Variants in MIGA1 observed in about 807,000 individuals in gnomAD.
MIGA1 encodes mitoguardin 1, also known as family with sequence similarity 73, member A.
MIGA1 carries 58 observed loss-of-function variants against 82.0 expected under a neutral mutation model. The observed-to-expected ratio is 0.71, with a 90% CI of 0.57 to 0.88. The LOEUF (loss-of-function observed/expected upper bound fraction) is 0.88, where lower values mean the gene tolerates loss of function less well. MIGA1 is among the 40% of genes least tolerant of loss of function. The pLI is 0.00. For synonymous variants in MIGA1, 249 were observed against 253.6 expected, an observed-to-expected ratio of 0.98 and a Z score of 0.17; for missense variants, 751 against 749.1, an observed-to-expected ratio of 1.00 and a Z score of -0.03.
chr1:77,808,553 C>T (rs531296142), intron 5 of MIGA1, among the ~76,000 whole-genome samples: 1 of 152,250 alleles, frequency 6.6e-6, no homozygotes, highest in Admixed American at 6.5e-5. Flanking sequence ...CTCAGTATTT[C>T]TTGACTTGAC....
chr1:77,803,456 C>A (rs1682967714), intron 4 of MIGA1, 50 bp downstream of exon 4: 4 of 846,540 alleles, frequency 4.7e-6, no homozygotes, highest in South Asian at 3.0e-5. Flanking sequence ...TATATGTCTT[C>A]TGTGATCTAT....
At chr1:77,782,913 G>A (rs1350405037) in intron 1 of MIGA1, 8 of 958,064 alleles carry the variant, frequency 8.4e-6, no homozygotes, top group Non-Finnish European at 9.9e-6. Context: ...CCTAAAAAGT[G>A]TTAAATTTTT....
At position 77,839,112 on chromosome 1, in the gene MIGA1, G is replaced by C. The variant is rs546754952; in HGVS notation, c.896-4195G>C. Among the ~76,000 whole-genome samples, 5 of 152,252 alleles carry C rather than the reference G, an allele frequency of 3.3e-5. No individual in the cohort carries two copies. In the East Asian group the frequency reaches 5.8e-4, roughly 18 times the overall value. On this transcript the variant is annotated intron_variant, in intron 7 of 15. Transcript: ENST00000370791. The stretch of plus-strand genomic sequence containing the variant: ...GTAGAATTGCTAGGTCATAGAGAAA[G>C]CCATCTTGAACTTTCATAGGTAATG...
intron 1 of MIGA1, among the ~76,000 whole-genome samples, chr1:77,782,599 T>G (rs138898697): frequency 4.1e-4 from 62 of 152,350 alleles, no homozygotes; most frequent in African/African-American, 1.4e-3. Context: ...CTTAATGACC[T>G]CTCTTTGTGT....
At chr1:77,793,244 A>T (rs1011397488) in intron 2 of MIGA1, among the ~76,000 whole-genome samples, 2 of 152,012 alleles carry the variant, frequency 1.3e-5, no homozygotes, top group African/African-American at 4.8e-5. Context: ...GCTGTGACGC[A>T]GGCATGCACC....
intron 8 of MIGA1, among the ~76,000 whole-genome samples, chr1:77,857,599 G>C (rs1446771881): frequency 6.6e-6 from 1 of 151,934 alleles, no homozygotes; most frequent in African/African-American, 2.4e-5. Context: ...AGGATCACTT[G>C]AGCCCAGGAG....
chr1:77,859,439 G>T (rs371240579), intron 10 of MIGA1, 53 bp downstream of exon 10: 10 of 1,206,288 alleles, frequency 8.3e-6, no homozygotes, highest in Non-Finnish European at 1.2e-5. Flanking sequence ...CCACCCTCAT[G>T]CTGTAGAGTC....
chr1:77,828,222 A>G lies in MIGA1; in HGVS notation c.895+12991A>G, dbSNP rs545015564. On this transcript the variant is annotated intron_variant, in intron 7 of 15. Coordinates refer to ENST00000370791, the MANE Select transcript of MIGA1 (RefSeq NM_198549.4). ...GCAGAAGACATACTTAATTCTATTCAGTGTCTGAAACTGGTTTGAATGTAG... is the reference window on the plus strand; with the variant it reads ...GCAGAAGACATACTTAATTCTATTCGGTGTCTGAAACTGGTTTGAATGTAG... 4.6e-5 allele frequency among the ~76,000 whole-genome samples: 7 copies of G among 152,352 alleles called. 1 individual carries two copies. Among genetic ancestry groups the G allele is most frequent in the African/African-American group, 1.7e-4 (7 of 41,588 alleles).
In MIGA1 at chr1:77,813,885, G is replaced by A. The variant is rs757049668; in HGVS notation, c.771+18G>A. Reference sequence around the variant, plus strand: ...ATGTAGATGTAAGGGTGATTGATTTGAGTGGTCTTCATAATATTAGAAGAA... The same window carrying A: ...ATGTAGATGTAAGGGTGATTGATTTAAGTGGTCTTCATAATATTAGAAGAA... On this transcript the variant is annotated intron_variant, in intron 6 of 15. Transcript: ENST00000370791. 1.9e-6 allele frequency: 3 copies of A among 1,612,676 alleles called. No homozygotes were observed. In the South Asian group the frequency reaches 3.3e-5, roughly 18 times the overall value.
chr1:77,803,397 T>A lies in MIGA1; in HGVS notation c.501T>A (p.Ser167Arg). 1 of 1,515,824 alleles carries A rather than the reference T, an allele frequency of 6.6e-7. No individual in the cohort carries two copies. The allele number at this position is 1,515,824 out of a possible 1,614,324, so 93.9% of individuals were successfully genotyped here. The change falls in exon 4 of 16, where the codon AGT becomes AGA. Residue 167 changes from serine (S) to arginine (R), a missense_variant. This residue lies in a region of MIGA1 where 482 missense variants were observed against 439.4 expected (regional missense o/e 1.10). Coordinates refer to ENST00000370791, the MANE Select transcript of MIGA1 (RefSeq NM_198549.4). Reference sequence around the variant, plus strand: ...GTAAATATTCAGGTTCTGCACAGAGTTTGGCCTCTGTAAGTACAGAAAAAA... The same window carrying A: ...GTAAATATTCAGGTTCTGCACAGAGATTGGCCTCTGTAAGTACAGAAAAAA...
intron 8 of MIGA1, among the ~76,000 whole-genome samples, chr1:77,858,484 G>T (rs1685345746): frequency 1.3e-5 from 2 of 152,140 alleles, no homozygotes; most frequent in Admixed American, 1.3e-4. Context: ...GATTTTATTA[G>T]CTATAAAATC....
chr1:77,815,101 C>T lies in MIGA1; in HGVS notation c.772-7C>T. 3.9e-6 allele frequency: 6 copies of T among 1,529,964 alleles called. No homozygotes were observed. Among genetic ancestry groups the T allele is most frequent in the Admixed American group, 3.9e-5 (2 of 50,854 alleles). 94.8% of individuals were successfully genotyped at this position (1,529,964 alleles called of 1,614,324 possible). On this transcript the variant is annotated splice_polypyrimidine_tract_variant and splice_region_variant and intron_variant, in intron 6 of 15. Coordinates refer to ENST00000370791, the MANE Select transcript of MIGA1 (RefSeq NM_198549.4). ...ATTTGTTCTGTGTACTTTTTCTCTC[C>T]TTGTAGGATATTATTAGTACTGAAT...
chr1:77,801,730 C>A (rs1195639743), intron 3 of MIGA1, among the ~76,000 whole-genome samples: 1 of 152,110 alleles, frequency 6.6e-6, no homozygotes. Flanking sequence ...ATAATACTTT[C>A]ATGTATATCA....
rs529394066 is a variant in MIGA1, at chr1:77,878,610, T to A, written c.*3546T>A. The A allele has an allele frequency of 3.4e-6, 1 of 296,360 alleles. No homozygotes were observed. Among genetic ancestry groups the A allele is most frequent in the Non-Finnish European group, 6.2e-6 (1 of 161,476 alleles). The allele number at this position is 296,360 out of a possible 1,614,324, so 18.4% of individuals were successfully genotyped here. ...AATTATAAGAGGGACTTCAATTAAG[T>A]CACTCCTGAGAAAATATCCTTTTTT... On this transcript the variant is annotated 3_prime_UTR_variant, in exon 16 of 16. Transcript: ENST00000370791.
intron 5 of MIGA1, among the ~76,000 whole-genome samples, chr1:77,812,547 G>C (rs1010547443): frequency 1.3e-5 from 2 of 151,886 alleles, no homozygotes; most frequent in Non-Finnish European, 2.9e-5. Flanking sequence ...TGAGAGGAGA[G>C]GTATTTTTTA....
intron 8 of MIGA1, chr1:77,847,312 A>G: frequency 1.1e-6 from 1 of 918,874 alleles, no homozygotes; most frequent in Non-Finnish European, 1.8e-6. Context: ...CTTGCAGAAA[A>G]TGCTACTGTG....
intron 3 of MIGA1, 94 bp downstream of exon 3, chr1:77,801,602 C>T (rs1186398307): frequency 1.4e-5 from 15 of 1,039,616 alleles, no homozygotes; most frequent in Non-Finnish European, 2.0e-5. Flanking sequence ...AATTTTCTTC[C>T]TAATATATTA....
At position 77,837,567 on chromosome 1, in the gene MIGA1, G is replaced by A. The variant is rs1684478050; in HGVS notation, c.896-5740G>A. Among the ~76,000 whole-genome samples the A allele has an allele frequency of 2.6e-5, 4 of 152,166 alleles. No individual in the cohort carries two copies. The South Asian group carries it at 8.3e-4, about 32-fold the overall frequency. ...GGGTTATTGTGGGGATTGAAAATAA[G>A]GTAATATATGTAAAGCATGTAACTT... On this transcript the variant is annotated intron_variant, in intron 7 of 15. Transcript: ENST00000370791.
chr1:77,806,137 C>T (rs754660540), intron 4 of MIGA1, among the ~76,000 whole-genome samples: 5 of 152,158 alleles, frequency 3.3e-5, no homozygotes, highest in African/African-American at 4.8e-5. Context: ...ATTTCAGAAG[C>T]AGCATAATCT....
Sources: allele counts gnomAD v4.1 joint callset (sites outside exome capture counted in the v4.1 genomes callset), GRCh38; gene constraint gnomAD v4.1.1; regional missense constraint gnomAD v4.1.1; transcripts MANE v1.5; gene names NCBI Gene and HGNC (gene_info 2026-07-23, HGNC 2026-07-21).